Variants in CACNA1E observed in about 807,000 individuals in gnomAD.
CACNA1E encodes voltage-dependent R-type calcium channel subunit alpha-1E.
In CACNA1E, 40 loss-of-function variants were observed where a neutral mutation model predicts 259.2. The observed-to-expected ratio is 0.15, with a 90% CI of 0.12 to 0.20. The LOEUF (loss-of-function observed/expected upper bound fraction) is 0.20, where lower values mean the gene tolerates loss of function less well. CACNA1E is among the 10% of genes least tolerant of loss of function. The probability of loss-of-function intolerance (pLI) is 1.00; values close to 1 mark genes in which losing one functional copy is unlikely to be tolerated. For missense variants in CACNA1E, 1,874 were observed against 3,040.1 expected (o/e 0.62, Z 9.02); for synonymous variants, 1,104 against 1,138.5 (o/e 0.97, Z 0.61).
chr1:181,339,531 ATTTTGTGGTAT>A (rs558938584), intron 1 of CACNA1E, among the ~76,000 whole-genome samples: 243 of 152,222 alleles, frequency 1.6e-3, no homozygotes, highest in African/African-American at 5.4e-3. Context: ...TACATACCAC[ATTTTGTGGTAT>A]GAGTTTAAAA....
chr1:181,502,072 G>A (rs570750377), intron 1 of CACNA1E, among the ~76,000 whole-genome samples: 3 of 152,234 alleles, frequency 2.0e-5, no homozygotes, highest in African/African-American at 7.2e-5. Context: ...GACAGTGCAT[G>A]TCTCCTGCCG....
At chr1:181,482,222 T>C (rs1663319913), upstream of CACNA1E, among the ~76,000 whole-genome samples, 1 of 152,196 alleles carries the variant, frequency 6.6e-6, no homozygotes, top group African/African-American at 2.4e-5. Flanking sequence ...GACGCGGCCA[T>C]GGCGCTAGGC....
intron 5 of CACNA1E, among the ~76,000 whole-genome samples, chr1:181,579,833 T>G (rs1352744570): frequency 1.3e-5 from 2 of 152,214 alleles, no homozygotes; most frequent in African/African-American, 2.4e-5. Context: ...ACATTTTCCC[T>G]TCATGATCCT....
intron 3 of CACNA1E, among the ~76,000 whole-genome samples, chr1:181,516,142 G>A (rs975936492): frequency 1.3e-5 from 2 of 152,030 alleles, no homozygotes; most frequent in African/African-American, 4.8e-5. Context: ...TATTTACCAG[G>A]TTGTCAGTGT....
intron 6 of CACNA1E, among the ~76,000 whole-genome samples, chr1:181,593,372 G>A (rs987104062): frequency 6.6e-6 from 1 of 152,132 alleles, no homozygotes; most frequent in Non-Finnish European, 1.5e-5. Context: ...GCGTGCTCAG[G>A]TCCTGTGATC....
At chr1:181,395,969 C>G (rs10910930) in intron 1 of CACNA1E, among the ~76,000 whole-genome samples, 58,992 of 152,092 alleles carry the variant, frequency 0.39, 11,898 homozygotes, top group South Asian at 0.48. Flanking sequence ...ACTTAGGAAT[C>G]TAGGAGTTGC....
At chr1:181,370,175 C>T (rs1354166334) in intron 1 of CACNA1E, among the ~76,000 whole-genome samples, 1 of 151,986 alleles carries the variant, frequency 6.6e-6, no homozygotes, top group African/African-American at 2.4e-5. Context: ...TGCATTCCAA[C>T]TTGGACACTG....
intron 1 of CACNA1E, among the ~76,000 whole-genome samples, chr1:181,385,685 C>A (rs1557960331): frequency 6.6e-6 from 1 of 152,006 alleles, no homozygotes; most frequent in South Asian, 2.1e-4. Context: ...GCCCCTACCC[C>A]TTCCTTCCTT....
chr1:181,788,362 C>T (rs1403849673), intron 43 of CACNA1E, among the ~76,000 whole-genome samples: 1 of 152,144 alleles, frequency 6.6e-6, no homozygotes, highest in Admixed American at 6.5e-5. Context: ...AGAGGTTGAT[C>T]TAGGGGTATA....
chr1:181,682,402 C>T (rs573031949), intron 7 of CACNA1E, among the ~76,000 whole-genome samples: 3 of 152,214 alleles, frequency 2.0e-5, no homozygotes, highest in South Asian at 2.1e-4. Context: ...GTGAGGAAAC[C>T]GGAGGACCAA....
chr1:181,654,911 G>T (rs1431338477), intron 7 of CACNA1E, among the ~76,000 whole-genome samples: 10 of 151,100 alleles, frequency 6.6e-5, no homozygotes, highest in African/African-American at 2.4e-4. Flanking sequence ...GTGAACCCCA[G>T]GGGGCGGAGC....
chr1:181,757,160 G>A, intron 30 of CACNA1E, 34 bp downstream of exon 30: 3 of 1,497,494 alleles, frequency 2.0e-6, no homozygotes, highest in Non-Finnish European at 2.8e-6. Flanking sequence ...GGGAGCAGCA[G>A]AGGCTCCAGA....
In CACNA1E at chr1:181,769,350, TG is replaced by T. The variant is rs1164319770; in HGVS notation, c.4882-1942del. The stretch of plus-strand genomic sequence containing the variant: ...TAGTGACAAGGACTAAGTGAAAAGT[TG>T]AAAAAAAAAAAAAAGTACAAAAAAT... On this transcript the variant is annotated intron_variant, in intron 35 of 47. Transcript: ENST00000367573. 2.0e-4 allele frequency among the ~76,000 whole-genome samples: 22 copies of T among 108,318 alleles called. No homozygotes were observed. The East Asian group carries it at 5.0e-3, about 25-fold the overall frequency. 71.1% of individuals were successfully genotyped at this position (108,318 alleles called of 152,430 possible).
intron 1 of CACNA1E, among the ~76,000 whole-genome samples, chr1:181,491,278 G>A (rs574140748): frequency 6.6e-6 from 1 of 151,904 alleles, no homozygotes; most frequent in Admixed American, 6.5e-5. Flanking sequence ...AGACATAGGC[G>A]GTCTGCCCGT....
At chr1:181,533,339 A>G (rs947124333) in intron 3 of CACNA1E, among the ~76,000 whole-genome samples, 4 of 147,480 alleles carry the variant, frequency 2.7e-5, no homozygotes, top group African/African-American at 1.0e-4. Flanking sequence ...GTATGACTAT[A>G]CCTATATGTT....
rs1663541481 is a variant in CACNA1E at position 181,483,935 on chromosome 1, C to A, written c.191C>A (p.Thr64Asn). 6.2e-7 allele frequency: 1 copy of A among 1,613,486 alleles called. No homozygotes were observed. The highest frequency in any genetic ancestry group is 8.5e-7 in the Non-Finnish European group (1 of 1,179,660). ...NPIPVRQNCFTVNRSLFIFGE... is the reference protein window; with the variant it reads ...NPIPVRQNCFNVNRSLFIFGE... ...ATTCCCGTCCGGCAGAACTGTTTCA[C>A]CGTCAACAGATCCCTGTTCATCTTC... is the stretch of plus-strand genomic sequence containing the variant. The change falls in exon 1 of 48, where the codon ACC becomes AAC. Residue 64 changes from threonine (T) to asparagine (N), a missense_variant. This residue lies in a region of CACNA1E where 110 missense variants were observed against 122.8 expected (regional missense o/e 0.90). Coordinates refer to ENST00000367573, the MANE Select transcript of CACNA1E (RefSeq NM_001205293.3).
intron 3 of CACNA1E, among the ~76,000 whole-genome samples, chr1:181,526,854 T>G (rs575961836): frequency 1.1e-3 from 163 of 152,376 alleles, no homozygotes; most frequent in Non-Finnish European, 2.1e-3. Flanking sequence ...ATGATATATG[T>G]TGAGCATTTG....
intron 1 of CACNA1E, among the ~76,000 whole-genome samples, chr1:181,497,149 A>T (rs919002159): frequency 2.0e-5 from 3 of 152,122 alleles, no homozygotes; most frequent in African/African-American, 7.2e-5. Flanking sequence ...ATGGATAAGG[A>T]TGTTACATCT....
intron 6 of CACNA1E, among the ~76,000 whole-genome samples, chr1:181,583,971 TCTC>T (rs1651809265): frequency 6.6e-6 from 1 of 152,198 alleles, no homozygotes; most frequent in African/African-American, 2.4e-5. Context: ...TACAATGTGT[TCTC>T]CTTCTGATCA....
Sources: gnomAD v4.1 joint callset for allele counts (sites outside exome capture counted in the v4.1 genomes callset) on GRCh38, gnomAD v4.1.1 for gene constraint, gnomAD v4.1.1 regional missense constraint, MANE v1.5 for transcripts, NCBI Gene and HGNC (gene_info 2026-07-23, HGNC 2026-07-21) for gene names.